The following KDM7A variants were observed in gnomAD, a reference collection of about 807,000 sequenced individuals.
KDM7A encodes lysine demethylase 7A.
Under a neutral mutation model 114.8 loss-of-function variants are expected in KDM7A, and 28 were observed. The observed-to-expected ratio is 0.24, with a 90% CI of 0.18 to 0.33. The LOEUF (loss-of-function observed/expected upper bound fraction) is 0.33. Ranked by LOEUF, KDM7A falls within the 10% of genes least tolerant of loss-of-function variation. KDM7A has a pLI of 1.00. For synonymous variants in KDM7A, 423 were observed against 397.8 expected (o/e 1.06, Z -0.75); for missense variants, 942 against 1,142.5 (o/e 0.82, Z 2.53).
rs1053911417 is a variant in KDM7A, at chr7:140,176,843, G to A, written c.95C>T (p.Pro32Leu). 15 of 1,328,606 alleles carry A rather than the reference G, an allele frequency of 1.1e-5. No homozygotes were observed. Among genetic ancestry groups the A allele is most frequent in the Admixed American group, 2.5e-5 (1 of 40,098 alleles). 82.3% of individuals were successfully genotyped at this position (1,328,606 alleles called of 1,614,324 possible). Reference sequence around the variant, plus strand: ...ACAGTACACGGGCGGGGGCGGCGGAGGCGCCGAGGCCCGGCCGGGAGCCGC... The same window carrying A: ...ACAGTACACGGGCGGGGGCGGCGGAAGCGCCGAGGCCCGGCCGGGAGCCGC... ...SVAAPGRASA[P>L]PPPPPVYCVC... The change falls in exon 1 of 20, where the codon CCT (proline) becomes CTT (leucine). Residue 32 changes from proline (P) to leucine (L), a missense_variant. Physicochemically the swap from Pro to Leu is moderately conservative, Grantham distance 98. Transcript: ENST00000397560. The surrounding 1 kb of genome is among the most constrained non-coding windows in gnomAD (Gnocchi z 4.4).
intron 1 of KDM7A, among the ~76,000 whole-genome samples, chr7:140,168,516 C>A (rs991839088): frequency 2.0e-5 from 3 of 150,280 alleles, no homozygotes; most frequent in Non-Finnish European, 4.4e-5. Context: ...TGCAGTGAGC[C>A]AAGATCGCAC....
chr7:140,127,387 C>T (rs1193451892), intron 5 of KDM7A, 55 bp downstream of exon 5: 3 of 1,431,654 alleles, frequency 2.1e-6, no homozygotes, highest in East Asian at 2.3e-5. Flanking sequence ...TACATCATTA[C>T]ACTACATTTA....
chr7:140,132,740 GT>G (rs1306517947), intron 3 of KDM7A, among the ~76,000 whole-genome samples: 1 of 152,170 alleles, frequency 6.6e-6, no homozygotes, highest in East Asian at 1.9e-4. Flanking sequence ...ACCATTATAT[GT>G]TTCTGCATAA....
intron 1 of KDM7A, among the ~76,000 whole-genome samples, chr7:140,161,953 A>G (rs1260958535): frequency 6.6e-6 from 1 of 152,220 alleles, no homozygotes; most frequent in African/African-American, 2.4e-5. Context: ...GTTTTTGCAC[A>G]TTAAAAATAC....
At chr7:140,101,861 A>G in intron 12 of KDM7A, 90 bp downstream of exon 12, 1 of 849,458 alleles carries the variant, frequency 1.2e-6, no homozygotes, top group African/African-American at 1.7e-5. Flanking sequence ...TTAGATATCA[A>G]CAATAGTCAA....
At chr7:140,095,897 T>TA (rs2116739529) in intron 17 of KDM7A, among the ~76,000 whole-genome samples, 1 of 151,924 alleles carries the variant, frequency 6.6e-6, no homozygotes, top group Non-Finnish European at 1.5e-5. Context: ...AATAAATAAA[T>TA]AATAAAAAAA....
intron 7 of KDM7A, among the ~76,000 whole-genome samples, chr7:140,121,164 A>T (rs894775840): frequency 2.9e-4 from 44 of 152,202 alleles, no homozygotes; most frequent in African/African-American, 1.0e-3. Context: ...TTTAATTATG[A>T]AGGGTTATGG....
In KDM7A at chr7:140,091,931, C is replaced by T. The variant is rs376853003; in HGVS notation, c.2604G>A (p.Ala868=). 75 of 1,613,796 alleles carry T rather than the reference C, an allele frequency of 4.6e-5. No individual in the cohort carries two copies. The highest frequency in any genetic ancestry group is 4.7e-5 in the Non-Finnish European group (56 of 1,180,002). ...TTAGACTGCCATTACTTATCTGGCACGCCCCCGAAGTCAGGTTTGAATTCT... is the reference window on the plus strand; with the variant it reads ...TTAGACTGCCATTACTTATCTGGCATGCCCCCGAAGTCAGGTTTGAATTCT... ...YMQNSNLTSG[A]CQISNGSLSP... The change falls in exon 19 of 20, where the codon GCG becomes GCA. Residue 868 remains alanine, a synonymous_variant. Transcript: ENST00000397560.
intron 3 of KDM7A, 45 bp from the exon 4 acceptor site, chr7:140,129,698 G>A: frequency 1.5e-6 from 2 of 1,345,162 alleles, no homozygotes; most frequent in Non-Finnish European, 2.1e-6. Context: ...TATTGGTAAG[G>A]TCAGTTTAAA....
chr7:140,084,963 A>T lies in KDM7A; in HGVS notation c.*6131T>A, dbSNP rs1397443610. The T allele has an allele frequency of 6.6e-6, 1 of 152,244 alleles. No individual in the cohort carries two copies. Among genetic ancestry groups the T allele is most frequent in the African/African-American group, 2.4e-5 (1 of 41,464 alleles). The allele number at this position is 152,244 out of a possible 1,614,324, so 9.4% of individuals were successfully genotyped here. On this transcript the variant is annotated 3_prime_UTR_variant, in exon 20 of 20. Transcript: ENST00000397560. Reference sequence around the variant, plus strand: ...TCACTTGTCCTCCCCTATAATAATCAATGTAAGCTACTTAAAGACTTACAA... The same window carrying T: ...TCACTTGTCCTCCCCTATAATAATCTATGTAAGCTACTTAAAGACTTACAA...
At position 140,097,034 on chromosome 7, in the gene KDM7A, G is replaced by T. The variant is rs756790556; in HGVS notation, c.2030C>A (p.Thr677Asn). 1.9e-6 allele frequency: 3 copies of T among 1,610,628 alleles called. No homozygotes were observed. The East Asian group carries it at 6.7e-5, about 36-fold the overall frequency. The change falls in exon 16 of 20, where the codon ACC (threonine) becomes AAC (asparagine). Residue 677 changes from threonine (T) to asparagine (N), a missense_variant. Coordinates refer to ENST00000397560, the MANE Select transcript of KDM7A (RefSeq NM_030647.2). Reference protein sequence around the residue: ...PECTALKSIFTTEESESSGDE... With the variant: ...PECTALKSIFNTEESESSGDE... ...ACCTGAACTTTCAGACTCTTCAGTG[G>T]TAAAGATACTTTTCTGAGATGATAA...
At chr7:140,113,426 C>G in intron 10 of KDM7A, 65 bp downstream of exon 10, 1 of 959,370 alleles carries the variant, frequency 1.0e-6, no homozygotes, top group Non-Finnish European at 1.6e-6. Flanking sequence ...CAAAATAGCA[C>G]AAGGACTCTG....
chr7:140,109,106 A>G (rs78482670), intron 11 of KDM7A, among the ~76,000 whole-genome samples: 9,394 of 152,206 alleles, frequency 0.062, 368 homozygotes, highest in Non-Finnish European at 0.09. Context: ...GCTGTTTGCT[A>G]AGACCATTGG....
intron 17 of KDM7A, 146 bp downstream of exon 17, chr7:140,096,409 G>A (rs1818109809): frequency 1.6e-6 from 1 of 637,034 alleles, no homozygotes; most frequent in Non-Finnish European, 2.7e-6. Flanking sequence ...TGATATGTCA[G>A]CATTGTGCTT....
At chr7:140,157,569 G>T (rs551795951) in intron 1 of KDM7A, among the ~76,000 whole-genome samples, 1 of 152,104 alleles carries the variant, frequency 6.6e-6, no homozygotes, top group Non-Finnish European at 1.5e-5. Context: ...TGTGAGGATC[G>T]CTTGAGCCTG....
Position 140,125,098 on chromosome 7 carries a change from T to C in KDM7A, c.889-315A>G, listed in dbSNP as rs974375908. On this transcript the variant is annotated intron_variant, in intron 6 of 19. Transcript: ENST00000397560. Reference sequence around the variant, plus strand: ...TCATTGTCAAATAGAGAAGTAAATATGTGTTGACAGGCCCACAGTCATCTC... The same window carrying C: ...TCATTGTCAAATAGAGAAGTAAATACGTGTTGACAGGCCCACAGTCATCTC... Among the ~76,000 whole-genome samples, 4 of 152,178 alleles carry C rather than the reference T, an allele frequency of 2.6e-5. No individual in the cohort carries two copies. In the East Asian group the frequency reaches 5.8e-4, roughly 22 times the overall value.
At chr7:140,115,687 A>G (rs1337319174) in intron 9 of KDM7A, among the ~76,000 whole-genome samples, 2 of 151,498 alleles carry the variant, frequency 1.3e-5, no homozygotes, top group Non-Finnish European at 2.9e-5. Flanking sequence ...GCCTAGGAAA[A>G]CCAGAGACCT....
intron 1 of KDM7A, among the ~76,000 whole-genome samples, chr7:140,171,011 A>ACTCT: frequency 6.6e-6 from 1 of 152,112 alleles, no homozygotes; most frequent in Non-Finnish European, 1.5e-5. Context: ...GATTGCTTGC[A>ACTCT]CTCAGGAGTT....
chr7:140,147,645 G>A (rs1794353003), intron 1 of KDM7A, among the ~76,000 whole-genome samples: 1 of 152,170 alleles, frequency 6.6e-6, no homozygotes. Context: ...AAAGGAGGAT[G>A]GGGAGTGGCC....
Sources: allele counts gnomAD v4.1 joint callset (sites outside exome capture counted in the v4.1 genomes callset), GRCh38; gene constraint gnomAD v4.1.1; non-coding constraint Gnocchi (gnomAD v3.1); transcripts MANE v1.5; gene names NCBI Gene and HGNC (gene_info 2026-07-23, HGNC 2026-07-21).